The following CDH13 variants were observed in gnomAD, a reference collection of about 807,000 sequenced individuals.
CDH13 encodes cadherin 13.
Under a neutral mutation model 63.8 loss-of-function variants are expected in CDH13, and 24 were observed. The ratio of observed to expected loss-of-function variants is 0.38; its 90% confidence interval spans 0.27 to 0.53. The LOEUF is 0.53. Ranked by LOEUF, CDH13 falls within the 20% of genes least tolerant of loss-of-function variation. The probability of loss-of-function intolerance (pLI) is 0.85; values close to 1 mark genes in which losing one functional copy is unlikely to be tolerated. For missense variants in CDH13, 1,049 were observed against 903.1 expected, an observed-to-expected ratio of 1.16 and a Z score of -2.07; for synonymous variants, 503 against 355.3, an observed-to-expected ratio of 1.42 and a Z score of -4.67.
At chr16:83,522,088 C>A (rs996693428) in intron 7 of CDH13, among the ~76,000 whole-genome samples, 16 of 152,206 alleles carry the variant, frequency 1.1e-4, no homozygotes, top group African/African-American at 3.9e-4. Context: ...ATCCAGTTCT[C>A]CCCTGCTGCG....
At chr16:83,575,243 A>C (rs1273307164) in intron 7 of CDH13, among the ~76,000 whole-genome samples, 1 of 152,208 alleles carries the variant, frequency 6.6e-6, no homozygotes, top group Non-Finnish European at 1.5e-5. Flanking sequence ...TGATGGTTGG[A>C]CAACTCTGTA....
At chr16:82,888,975 T>G (rs12928678) in intron 2 of CDH13, among the ~76,000 whole-genome samples, 59,590 of 151,564 alleles carry the variant, frequency 0.39, 12,702 homozygotes, top group East Asian at 0.86. Flanking sequence ...GTGCCTTTAA[T>G]AGATTTCCTG....
At chr16:83,092,266 C>T (rs1317794550) in intron 3 of CDH13, among the ~76,000 whole-genome samples, 1 of 152,162 alleles carries the variant, frequency 6.6e-6, no homozygotes, top group Non-Finnish European at 1.5e-5. Flanking sequence ...TAATTCAAGT[C>T]CAGTAGGGTC....
rs568404334 is a variant in CDH13 at position 83,562,701 on chromosome 16, G to T, written c.961-39753G>T. Among the ~76,000 whole-genome samples the T allele has an allele frequency of 2.5e-4, 38 of 152,346 alleles. No homozygotes were observed. The South Asian group carries it at 3.7e-3, about 15-fold the overall frequency. On this transcript the variant is annotated intron_variant, in intron 7 of 13. Transcript: ENST00000567109. ...TTTTGATGTCTGTTACCCACATGGA[G>T]GGTTTCTGCCTGTCTATTTTGGGTA...
intron 1 of CDH13, among the ~76,000 whole-genome samples, chr16:82,675,149 C>T (rs558982263): frequency 5.9e-5 from 9 of 151,908 alleles, no homozygotes; most frequent in East Asian, 1.9e-4. Flanking sequence ...ATAAGGGTGC[C>T]GTATTGAAAA....
At chr16:82,791,520 T>G (rs2036304136) in intron 1 of CDH13, among the ~76,000 whole-genome samples, 1 of 152,176 alleles carries the variant, frequency 6.6e-6, no homozygotes, top group Admixed American at 6.5e-5. Context: ...GAGCTCTGTT[T>G]TCACTCTGTT....
intron 1 of CDH13, among the ~76,000 whole-genome samples, chr16:82,853,608 G>A (rs1033165666): frequency 6.6e-6 from 1 of 152,206 alleles, no homozygotes; most frequent in African/African-American, 2.4e-5. Flanking sequence ...CTGAACCAAC[G>A]TGGCTTAAAC....
intron 8 of CDH13, among the ~76,000 whole-genome samples, chr16:83,622,065 TA>T (rs955183773): frequency 6.6e-6 from 1 of 152,210 alleles, no homozygotes; most frequent in African/African-American, 2.4e-5. Context: ...TTCATCCATA[TA>T]AATAACTTTT....
intron 7 of CDH13, among the ~76,000 whole-genome samples, chr16:83,567,543 A>G (rs763969250): frequency 4.6e-5 from 7 of 152,204 alleles, no homozygotes; most frequent in Non-Finnish European, 5.9e-5. Context: ...AAAATTTTTT[A>G]AAAAGCAAGA....
At chr16:83,426,922 T>C (rs1222284941) in intron 6 of CDH13, among the ~76,000 whole-genome samples, 1 of 102,194 alleles carries the variant, frequency 9.8e-6, no homozygotes, top group African/African-American at 3.5e-5. Flanking sequence ...TTTTTTTTTT[T>C]TTTTTTTTTT....
intron 11 of CDH13, 75 bp from the exon 12 acceptor site, chr16:83,779,893 C>T (rs1403193214): frequency 4.2e-6 from 4 of 949,390 alleles, no homozygotes; most frequent in South Asian, 3.3e-5. Context: ...ACTAAGTTTA[C>T]AATGCAAAAA....
chr16:83,299,519 A>C (rs1002302657), intron 5 of CDH13, among the ~76,000 whole-genome samples: 4 of 152,184 alleles, frequency 2.6e-5, no homozygotes, highest in South Asian at 4.1e-4. Flanking sequence ...ATTCATCCTC[A>C]CTAGAGATCA....
rs992298485 is a variant in CDH13 at position 82,834,927 on chromosome 16, C to G, written c.46-23435C>G. On this transcript the variant is annotated intron_variant, in intron 1 of 13. Transcript: ENST00000567109. The stretch of plus-strand genomic sequence containing the variant: ...ATCCTTAATTTTGCCTCTTGGCCCA[C>G]AAAACCTAACATATTTACTACTGGC... Among the ~76,000 whole-genome samples, 6 of 152,198 alleles carry G rather than the reference C, an allele frequency of 3.9e-5. No homozygotes were observed. The South Asian group carries it at 1.2e-3, about 32-fold the overall frequency.
chr16:83,712,804 C>T (rs1908266728), intron 10 of CDH13, among the ~76,000 whole-genome samples: 1 of 152,250 alleles, frequency 6.6e-6, no homozygotes, highest in Non-Finnish European at 1.5e-5. Context: ...CTGCCATGTG[C>T]TGTCACACAC....
chr16:82,899,265 T>A (rs1271155704), intron 2 of CDH13, among the ~76,000 whole-genome samples: 1 of 152,236 alleles, frequency 6.6e-6, no homozygotes, highest in East Asian at 1.9e-4. Flanking sequence ...CAAATGAGTA[T>A]GTGTAATGCA....
intron 5 of CDH13, among the ~76,000 whole-genome samples, chr16:83,286,043 A>G (rs2151860821): frequency 6.6e-6 from 1 of 152,184 alleles, no homozygotes; most frequent in South Asian, 2.1e-4. Context: ...AGCCATCTTT[A>G]CCCTGTCTCA....
chr16:83,054,960 G>C lies in CDH13; in HGVS notation c.366+22742G>C, dbSNP rs539991086. ...CTGGTCATAGAGTACATCCAAACAA[G>C]TTTCAAAAGATAGAAATCATACAGA... On this transcript the variant is annotated intron_variant, in intron 3 of 13. Coordinates refer to ENST00000567109, the MANE Select transcript of CDH13 (RefSeq NM_001257.5). Among the ~76,000 whole-genome samples, 4 of 151,992 alleles carry C rather than the reference G, an allele frequency of 2.6e-5. No homozygotes were observed. The East Asian group carries it at 5.8e-4, about 22-fold the overall frequency.
At chr16:83,769,019 A>G (rs1914589123) in intron 11 of CDH13, among the ~76,000 whole-genome samples, 2 of 152,330 alleles carry the variant, frequency 1.3e-5, no homozygotes, top group African/African-American at 4.8e-5. Flanking sequence ...CACCTTGACC[A>G]CAGGGTCACA....
intron 2 of CDH13, among the ~76,000 whole-genome samples, chr16:82,991,167 A>G (rs1467726770): frequency 3.3e-5 from 5 of 152,210 alleles, no homozygotes; most frequent in African/African-American, 9.6e-5. Context: ...GATGGCCTGG[A>G]AAACTATTTC....
Sources: allele counts gnomAD v4.1 joint callset (sites outside exome capture counted in the v4.1 genomes callset), GRCh38; gene constraint gnomAD v4.1.1; transcripts MANE v1.5; gene names NCBI Gene and HGNC (gene_info 2026-07-23, HGNC 2026-07-21).